Variants in NOL10 observed in about 807,000 individuals in gnomAD.
The protein encoded by NOL10 is nucleolar protein 10, also known as H_NH0074G24.1.
Under a neutral mutation model 103.5 loss-of-function variants are expected in NOL10, and 58 were observed. The ratio of observed to expected loss-of-function variants is 0.56; its 90% CI spans 0.45 to 0.70. The LOEUF (loss-of-function observed/expected upper bound fraction) is 0.70. Among genes scored for constraint, NOL10 ranks in the 30% least tolerant of loss-of-function variants. The pLI is 0.00. For missense variants in NOL10, 763 were observed against 807.3 expected (o/e 0.95, Z 0.67); for synonymous variants, 287 against 282.5 (o/e 1.02, Z -0.16).
At chr2:10,655,609 A>G (rs981211176) in intron 11 of NOL10, among the ~76,000 whole-genome samples, 29 of 152,222 alleles carry the variant, frequency 1.9e-4, no homozygotes, top group African/African-American at 6.3e-4. Flanking sequence ...AAAGATAAAC[A>G]AGGTAAGCAA....
intron 12 of NOL10, among the ~76,000 whole-genome samples, chr2:10,646,704 A>G (rs1172459822): frequency 2.6e-5 from 4 of 152,246 alleles, no homozygotes; most frequent in African/African-American, 9.6e-5. Flanking sequence ...TCACATTCTC[A>G]GCAAGTTACC....
chr2:10,619,278 G>A (rs1405454489), intron 13 of NOL10, among the ~76,000 whole-genome samples: 1 of 152,102 alleles, frequency 6.6e-6, no homozygotes, highest in Non-Finnish European at 1.5e-5. Context: ...CTGAGTAGCT[G>A]GGACTACAGA....
chr2:10,657,081 G>A (rs1343336282), intron 11 of NOL10, among the ~76,000 whole-genome samples: 1 of 152,156 alleles, frequency 6.6e-6, no homozygotes, highest in East Asian at 1.9e-4. Flanking sequence ...CACTTCAGGA[G>A]GTCGAGGCAG....
chr2:10,572,258 C>A (rs1353084391), intron 20 of NOL10, 68 bp from the exon 21 acceptor site: 12 of 1,550,066 alleles, frequency 7.7e-6, no homozygotes, highest in Non-Finnish European at 1.1e-5. Flanking sequence ...TGGTAACCGT[C>A]AGGCTGCCAA....
intron 5 of NOL10, 24 bp from the exon 6 acceptor site, chr2:10,671,714 G>A: frequency 6.6e-7 from 1 of 1,515,624 alleles, no homozygotes; most frequent in Non-Finnish European, 8.9e-7. Flanking sequence ...AAAAAAATTA[G>A]TTTGCTTAGG....
At chr2:10,585,455 C>T (rs919753389) in intron 19 of NOL10, among the ~76,000 whole-genome samples, 2 of 152,176 alleles carry the variant, frequency 1.3e-5, no homozygotes, top group Non-Finnish European at 2.9e-5. Context: ...TAGATGAAAA[C>T]ATATGCAAAA....
At chr2:10,636,335 A>AGAGGCC (rs1258822134) in intron 13 of NOL10, among the ~76,000 whole-genome samples, 1 of 150,262 alleles carries the variant, frequency 6.7e-6, no homozygotes, top group African/African-American at 2.4e-5. Context: ...CAACACTCTA[A>AGAGGCC]GAGGCCGAGA....
chr2:10,595,884 T>A (rs1464943658), intron 17 of NOL10, among the ~76,000 whole-genome samples: 3 of 145,780 alleles, frequency 2.1e-5, no homozygotes, highest in African/African-American at 7.5e-5. Context: ...GGATTACAGG[T>A]GTGAGCCCAT....
chr2:10,674,090 T>A (rs568278383), intron 4 of NOL10, among the ~76,000 whole-genome samples: 66 of 151,688 alleles, frequency 4.4e-4, no homozygotes, highest in African/African-American at 1.1e-3. Flanking sequence ...TGGTGGTGCA[T>A]GCCTGTGATC....
At chr2:10,632,969 T>C (rs1236528299) in intron 13 of NOL10, among the ~76,000 whole-genome samples, 2 of 152,150 alleles carry the variant, frequency 1.3e-5, no homozygotes, top group African/African-American at 4.8e-5. Context: ...GCACTAGGCC[T>C]AAATTAAAAT....
intron 13 of NOL10, among the ~76,000 whole-genome samples, chr2:10,643,303 C>G (rs1678843055): frequency 6.6e-6 from 1 of 152,134 alleles, no homozygotes; most frequent in Non-Finnish European, 1.5e-5. Flanking sequence ...CTATCATAGA[C>G]AGGAATAATT....
chr2:10,668,787 A>T, intron 6 of NOL10, 64 bp from the exon 7 acceptor site: 1 of 649,140 alleles, frequency 1.5e-6, no homozygotes, highest in Non-Finnish European at 2.5e-6. Context: ...GTAAATATAA[A>T]TTTTATAAAT....
rs747470027 is a variant in NOL10, at chr2:10,577,655, A to C, written c.1928T>G (p.Leu643Trp). 1 of 1,610,730 alleles carries C rather than the reference A, an allele frequency of 6.2e-7. No homozygotes were observed. The highest frequency in any genetic ancestry group is 1.1e-5 in the South Asian group (1 of 90,172). ...ACTCACCCTCTTTAACGTGAATGTC[A>C]ATTGTTTGCTGCCAACGGTGGTGTC... is the stretch of plus-strand genomic sequence containing the variant. Reference protein sequence around the residue: ...VSDTTVGSKQLTFTLKRSEQQ... With the variant: ...VSDTTVGSKQWTFTLKRSEQQ... The change falls in exon 20 of 21, where the codon TTG (leucine) becomes TGG (tryptophan). Residue 643 changes from leucine (L) to tryptophan (W), a missense_variant. Transcript: ENST00000381685.
At chr2:10,653,413 T>C (rs1196050402) in intron 12 of NOL10, among the ~76,000 whole-genome samples, 1 of 152,170 alleles carries the variant, frequency 6.6e-6, no homozygotes, top group East Asian at 1.9e-4. Flanking sequence ...CTCTCACCTG[T>C]GCTCCCCATC....
Position 10,659,347 on chromosome 2 carries a change from G to C in NOL10, c.678-97C>G, listed in dbSNP as rs965487835. Reference sequence around the variant, plus strand: ...GTCTTCACTTCAAATCTAATGGGGGGGGGGGGGAGGAATCACATTTCTAGG... The same window carrying C: ...GTCTTCACTTCAAATCTAATGGGGGCGGGGGGGAGGAATCACATTTCTAGG... On this transcript the variant is annotated intron_variant, in intron 9 of 20. Transcript: ENST00000381685. The C allele has an allele frequency of 1.5e-4, 71 of 488,588 alleles. 8 individuals are homozygous for C. Among genetic ancestry groups the C allele is most frequent in the African/African-American group, 3.2e-4 (15 of 47,600 alleles). The allele number at this position is 488,588 out of a possible 1,614,324, so 30.3% of individuals were successfully genotyped here.
intron 20 of NOL10, among the ~76,000 whole-genome samples, chr2:10,573,484 G>A (rs1453755608): frequency 6.6e-6 from 1 of 151,910 alleles, no homozygotes; most frequent in African/African-American, 2.4e-5. Flanking sequence ...GCGCCACCGT[G>A]CCCAGCCAGG....
chr2:10,576,589 G>C, intron 20 of NOL10, among the ~76,000 whole-genome samples: 1 of 152,196 alleles, frequency 6.6e-6, no homozygotes, highest in East Asian at 1.9e-4. Flanking sequence ...AAAACATTAT[G>C]CTCAGTGAAA....
intron 19 of NOL10, among the ~76,000 whole-genome samples, chr2:10,587,058 T>TATATATAC (rs1309042356): frequency 0.031 from 1,264 of 41,226 alleles, 328 homozygotes; most frequent in Non-Finnish European, 0.056. Context: ...TATATATACA[T>TATATATAC]ATATATATAC....
chr2:10,589,316 A>T, intron 18 of NOL10, 26 bp from the exon 19 acceptor site: 4 of 1,610,384 alleles, frequency 2.5e-6, no homozygotes, highest in Non-Finnish European at 3.4e-6. Context: ...GTAAGCAGCA[A>T]CTCCTTTCCC....
Sources: gnomAD v4.1 joint callset for allele counts (sites outside exome capture counted in the v4.1 genomes callset) on GRCh38, gnomAD v4.1.1 for gene constraint, MANE v1.5 for transcripts, NCBI Gene and HGNC (gene_info 2026-07-23, HGNC 2026-07-21) for gene names.